GRID1: variants seen among roughly 807,000 people sequenced by gnomAD.
GRID1 encodes the protein glutamate ionotropic receptor delta type subunit 1.
A neutral mutation model predicts 98.0 loss-of-function variants in GRID1; 28 were observed. The observed-to-expected ratio is 0.29, with a 90% CI of 0.21 to 0.39. The LOEUF (loss-of-function observed/expected upper bound fraction) is 0.39, where lower values mean the gene tolerates loss of function less well. GRID1 is among the 10% of genes least tolerant of loss of function. The pLI is 1.00. For synonymous variants in GRID1, 553 were observed against 538.5 expected (o/e 1.03, Z -0.37); for missense variants, 1,111 against 1,340.5 (o/e 0.83, Z 2.67).
At chr10:86,310,442 T>C (rs1847817305) in intron 2 of GRID1, among the ~76,000 whole-genome samples, 1 of 151,826 alleles carries the variant, frequency 6.6e-6, no homozygotes, top group African/African-American at 2.4e-5. Flanking sequence ...CTGTGTGGGG[T>C]AGAGGGGTGG....
At chr10:85,717,398 G>T (rs764543487) in intron 12 of GRID1, among the ~76,000 whole-genome samples, 5 of 152,128 alleles carry the variant, frequency 3.3e-5, no homozygotes, top group Non-Finnish European at 7.4e-5. Flanking sequence ...GAGGCAAAAG[G>T]CTCTTCTTAC....
At chr10:86,055,489 T>C (rs975439403) in intron 4 of GRID1, among the ~76,000 whole-genome samples, 7 of 152,130 alleles carry the variant, frequency 4.6e-5, no homozygotes, top group African/African-American at 1.7e-4. Flanking sequence ...ACCCCTGTAA[T>C]CCTAGCACTT....
Position 85,884,003 on chromosome 10 carries a change from C to T in GRID1, c.781-14823G>A, listed in dbSNP as rs180935253. ...TTTAGTTCTTAGACTTTATCTCATACGTCCTATTCCTTGCACAATCATAAG... is the reference window on the plus strand; with the variant it reads ...TTTAGTTCTTAGACTTTATCTCATATGTCCTATTCCTTGCACAATCATAAG... On this transcript the variant is annotated intron_variant, in intron 5 of 15. Transcript: ENST00000327946. Among the ~76,000 whole-genome samples, 209 of 152,260 alleles carry T rather than the reference C, an allele frequency of 1.4e-3. 1 individual carries two copies. Among genetic ancestry groups the T allele is most frequent in the African/African-American group, 3.9e-3 (161 of 41,534 alleles).
intron 8 of GRID1, among the ~76,000 whole-genome samples, chr10:85,758,781 C>T (rs1165707892): frequency 3.3e-5 from 5 of 152,112 alleles, no homozygotes; most frequent in African/African-American, 1.2e-4. Flanking sequence ...ATTAAATGTA[C>T]TAGAGCATCT....
At chr10:86,170,600 T>C (rs369718404) in intron 3 of GRID1, among the ~76,000 whole-genome samples, 15 of 152,302 alleles carry the variant, frequency 9.8e-5, no homozygotes, top group Admixed American at 3.9e-4. Flanking sequence ...CAAAGAAGCA[T>C]TGCAGAGAGC....
At chr10:85,692,265 A>G (rs898226146) in intron 12 of GRID1, among the ~76,000 whole-genome samples, 1 of 152,184 alleles carries the variant, frequency 6.6e-6, no homozygotes, top group Non-Finnish European at 1.5e-5. Context: ...GAACTATAAA[A>G]TGAATGGAAC....
At chr10:86,149,278 A>C (rs12772661) in intron 3 of GRID1, among the ~76,000 whole-genome samples, 26,476 of 152,272 alleles carry the variant, frequency 0.17, 3,524 homozygotes, top group African/African-American at 0.37. Context: ...TCTGCCTCTA[A>C]TAAGGGCTGA....
chr10:86,089,333 C>T (rs1041419525), intron 4 of GRID1, among the ~76,000 whole-genome samples: 5 of 152,158 alleles, frequency 3.3e-5, no homozygotes, highest in African/African-American at 1.2e-4. Flanking sequence ...AACACAGAAC[C>T]TCCACCTCAG....
At chr10:85,943,201 C>A (rs1842016570) in intron 4 of GRID1, among the ~76,000 whole-genome samples, 1 of 151,824 alleles carries the variant, frequency 6.6e-6, no homozygotes, top group South Asian at 2.1e-4. Flanking sequence ...TAGCCCCCTA[C>A]CAAAAAATTA....
At chr10:85,992,719 G>A (rs1201682663) in intron 4 of GRID1, among the ~76,000 whole-genome samples, 5 of 152,168 alleles carry the variant, frequency 3.3e-5, no homozygotes, top group African/African-American at 1.2e-4. Flanking sequence ...GGAAGCTGAG[G>A]CAGGAAGAGT....
chr10:86,356,997 G>C (rs139285194), intron 2 of GRID1, among the ~76,000 whole-genome samples: 300 of 152,358 alleles, frequency 2.0e-3, no homozygotes, highest in Non-Finnish European at 3.5e-3. Context: ...ATTACAAGAG[G>C]TGACTGTGAG....
chr10:85,951,481 A>G (rs2131843803), intron 4 of GRID1, among the ~76,000 whole-genome samples: 1 of 152,254 alleles, frequency 6.6e-6, no homozygotes, highest in East Asian at 1.9e-4. Flanking sequence ...ACATACAACC[A>G]AAACACACTT....
At chr10:85,645,321 C>T (rs1333356896) in intron 13 of GRID1, among the ~76,000 whole-genome samples, 2 of 152,190 alleles carry the variant, frequency 1.3e-5, no homozygotes, top group African/African-American at 4.8e-5. Flanking sequence ...CTTAAATCAA[C>T]ATTGTGTTCA....
chr10:85,861,766 T>C (rs1031853849), intron 6 of GRID1, among the ~76,000 whole-genome samples: 2 of 152,196 alleles, frequency 1.3e-5, no homozygotes, highest in Non-Finnish European at 2.9e-5. Context: ...CCAGCATCCA[T>C]GGAAGGCATG....
chr10:86,362,524 C>G (rs1009737279), intron 2 of GRID1, among the ~76,000 whole-genome samples: 5 of 152,188 alleles, frequency 3.3e-5, no homozygotes, highest in African/African-American at 9.7e-5. Flanking sequence ...GCCTCACCCC[C>G]CCTAAAAGAA....
intron 4 of GRID1, among the ~76,000 whole-genome samples, chr10:85,997,413 T>C (rs956767626): frequency 1.4e-4 from 21 of 149,244 alleles, no homozygotes; most frequent in African/African-American, 4.4e-4. Flanking sequence ...AAAAAAAAAA[T>C]TATAACATAG....
rs150012649 is a variant in GRID1 at position 85,614,136 on chromosome 10, G to T, written c.2361-489C>A. ...GTCATTTGATTTGAGGATCTTCTGT[G>T]CTTTGCCTAGTATGATGTTCAGCAC... On this transcript the variant is annotated intron_variant, in intron 14 of 15. Transcript: ENST00000327946. Among the ~76,000 whole-genome samples the T allele has an allele frequency of 3.9e-5, 6 of 152,322 alleles. No homozygotes were observed. The East Asian group carries it at 1.2e-3, about 29-fold the overall frequency.
intron 2 of GRID1, among the ~76,000 whole-genome samples, chr10:86,226,101 A>T (rs1283638518): frequency 2.6e-5 from 4 of 152,032 alleles, no homozygotes; most frequent in Non-Finnish European, 4.4e-5. Context: ...AAGCAAGAAG[A>T]GCGTAAGAAC....
At chr10:85,843,809 C>T (rs963380775) in intron 8 of GRID1, among the ~76,000 whole-genome samples, 1 of 152,044 alleles carries the variant, frequency 6.6e-6, no homozygotes, top group African/African-American at 2.4e-5. Context: ...GATGTAGAGG[C>T]ATTTTCTTAT....
Sources: allele counts gnomAD v4.1 joint callset (sites outside exome capture counted in the v4.1 genomes callset), GRCh38; gene constraint gnomAD v4.1.1; transcripts MANE v1.5; gene names NCBI Gene and HGNC (gene_info 2026-07-23, HGNC 2026-07-21).